The following ERC1 variants were observed in gnomAD, a reference collection of about 807,000 sequenced individuals.
ERC1 encodes ELKS/RAB6-interacting/CAST family member 1.
In ERC1, 56 loss-of-function variants were observed where a neutral mutation model predicts 132.0. The ratio of observed to expected loss-of-function variants is 0.42; its 90% CI spans 0.34 to 0.53. ERC1 has a LOEUF of 0.53. Among genes scored for constraint, ERC1 ranks in the 20% least tolerant of loss-of-function variants. ERC1 has a pLI of 0.03. For synonymous variants in ERC1, 478 were observed against 476.1 expected (o/e 1.00, Z -0.05); for missense variants, 1,202 against 1,349.9 (o/e 0.89, Z 1.72).
chr12:994,901 C>A (rs1427127470), intron 1 of ERC1, among the ~76,000 whole-genome samples: 10 of 152,056 alleles, frequency 6.6e-5, no homozygotes, highest in African/African-American at 2.2e-4. Context: ...TCGAGACCAG[C>A]CTGGCCAGCA....
Position 1,295,184 on chromosome 12 carries a change from A to G in ERC1, c.2780+5172A>G, listed in dbSNP as rs551332615. On this transcript the variant is annotated intron_variant, in intron 15 of 18. Transcript: ENST00000360905. ...CATGACATTTACAACTGAAAATCCA[A>G]TTTGTGCTTTTGTGTTCGTACCTGG... Among the ~76,000 whole-genome samples the G allele has an allele frequency of 5.3e-5, 8 of 152,276 alleles. No homozygotes were observed. In the East Asian group the frequency reaches 7.7e-4, roughly 15 times the overall value.
chr12:1,316,166 C>T (rs1046977533), intron 15 of ERC1, among the ~76,000 whole-genome samples: 1 of 152,326 alleles, frequency 6.6e-6, no homozygotes, highest in East Asian at 1.9e-4. Context: ...GGATTACTGG[C>T]TTGAGCCACC....
chr12:1,378,409 C>T (rs1285811496), intron 16 of ERC1, among the ~76,000 whole-genome samples: 4 of 152,080 alleles, frequency 2.6e-5, no homozygotes, highest in Admixed American at 2.0e-4. Flanking sequence ...CTAATATGAA[C>T]CCAGTTAGAT....
intron 17 of ERC1, among the ~76,000 whole-genome samples, chr12:1,441,824 G>A (rs770228227): frequency 1.4e-4 from 22 of 152,180 alleles, no homozygotes; most frequent in Admixed American, 5.9e-4. Flanking sequence ...GTGATGAGAC[G>A]GTTTCGTCAT....
intron 15 of ERC1, among the ~76,000 whole-genome samples, chr12:1,317,043 C>G (rs897742480): frequency 4.6e-5 from 7 of 152,100 alleles, no homozygotes; most frequent in Middle Eastern, 3.4e-3. Flanking sequence ...CACCTGTAAT[C>G]CCAGCTACTC....
chr12:1,083,497 C>A lies in ERC1; in HGVS notation c.1003C>A (p.Arg335=), dbSNP rs995188301. Residue 335 remains arginine, a synonymous_variant, in exon 3 of 19, where the codon CGA becomes AGA. Transcript: ENST00000360905. ...ATEEDHERTR[R]LAEAEMHVHH... The stretch of plus-strand genomic sequence containing the variant: ...CGAGGAAGACCATGAGAGAACAAGA[C>A]GACTGGCAGAGGCAGAGATGCACGT... 5 of 1,614,120 alleles carry A rather than the reference C, an allele frequency of 3.1e-6. No homozygotes were observed. Among genetic ancestry groups the A allele is most frequent in the Non-Finnish European group, 4.2e-6 (5 of 1,179,994 alleles).
chr12:1,357,229 T>G (rs1016549717), intron 15 of ERC1, among the ~76,000 whole-genome samples: 1 of 152,210 alleles, frequency 6.6e-6, no homozygotes, highest in Non-Finnish European at 1.5e-5. Context: ...TTGATTTTGC[T>G]GGAGGTGGAG....
intron 1 of ERC1, among the ~76,000 whole-genome samples, chr12:997,206 A>G (rs1961110408): frequency 6.6e-6 from 1 of 152,234 alleles, no homozygotes; most frequent in South Asian, 2.1e-4. Flanking sequence ...CTAGGATCAA[A>G]CATGGATTCA....
At chr12:1,320,155 G>A (rs2082015238) in intron 15 of ERC1, among the ~76,000 whole-genome samples, 1 of 152,146 alleles carries the variant, frequency 6.6e-6, no homozygotes, top group Admixed American at 6.5e-5. Flanking sequence ...TAATATTGCA[G>A]ATAATACTGT....
At chr12:1,276,750 A>G (rs2078303239) in intron 14 of ERC1, among the ~76,000 whole-genome samples, 1 of 152,174 alleles carries the variant, frequency 6.6e-6, no homozygotes, top group Admixed American at 6.5e-5. Context: ...GCATTCAATG[A>G]ATATTTACTA....
At chr12:1,172,037 A>G (rs1953118313) in intron 8 of ERC1, among the ~76,000 whole-genome samples, 1 of 152,228 alleles carries the variant, frequency 6.6e-6, no homozygotes, top group South Asian at 2.1e-4. Flanking sequence ...TAAAAATTGT[A>G]TGAGGACAAG....
At chr12:1,195,823 C>T (rs982715255) in intron 12 of ERC1, among the ~76,000 whole-genome samples, 16 of 150,888 alleles carry the variant, frequency 1.1e-4, no homozygotes, top group Non-Finnish European at 1.0e-4. Context: ...GAGGATTCTC[C>T]GTTACTTCCA....
chr12:1,490,242 G>T lies in ERC1; in HGVS notation c.*12G>T, dbSNP rs562582186. On this transcript the variant is annotated 3_prime_UTR_variant, in exon 19 of 19. Transcript: ENST00000360905. ...AAGAGTCCTCTTGACCCTGCTTTAT[G>T]GGGAAGCCTGAGGTAGTCAACCCAG... is the stretch of plus-strand genomic sequence containing the variant. The T allele has an allele frequency of 6.2e-7, 1 of 1,612,622 alleles. No individual in the cohort carries two copies. The highest frequency in any genetic ancestry group is 8.5e-7 in the Non-Finnish European group (1 of 1,179,130).
chr12:1,317,885 A>G (rs1444734984), intron 15 of ERC1, among the ~76,000 whole-genome samples: 2 of 152,194 alleles, frequency 1.3e-5, no homozygotes, highest in Non-Finnish European at 2.9e-5. Flanking sequence ...TGAGTGTCAC[A>G]TAAAGGGGCT....
At chr12:1,384,155 A>G (rs1481015602) in intron 16 of ERC1, among the ~76,000 whole-genome samples, 1 of 152,244 alleles carries the variant, frequency 6.6e-6, no homozygotes, top group Non-Finnish European at 1.5e-5. Context: ...TAGTACTTTA[A>G]TCTACCCTTA....
intron 15 of ERC1, among the ~76,000 whole-genome samples, chr12:1,291,370 A>T (rs1223455078): frequency 6.6e-6 from 1 of 152,198 alleles, no homozygotes; most frequent in Admixed American, 6.5e-5. Context: ...AAGTAGAGAA[A>T]GGAAAGTCCT....
At chr12:1,393,716 A>G (rs1197519179) in intron 16 of ERC1, among the ~76,000 whole-genome samples, 1 of 151,058 alleles carries the variant, frequency 6.6e-6, no homozygotes, top group Non-Finnish European at 1.5e-5. Flanking sequence ...AGGAGAAAAT[A>G]TGCTGTATTT....
At chr12:1,093,016 G>A (rs1025287670) in intron 3 of ERC1, among the ~76,000 whole-genome samples, 3 of 152,262 alleles carry the variant, frequency 2.0e-5, no homozygotes, top group Admixed American at 1.3e-4. Context: ...TTTATTTGGA[G>A]GCATTTCCAC....
chr12:1,185,499 G>C (rs1954978054), intron 11 of ERC1, among the ~76,000 whole-genome samples: 1 of 125,268 alleles, frequency 8.0e-6, no homozygotes, highest in Admixed American at 8.1e-5. Flanking sequence ...ACCATTTTCT[G>C]TACTTTTCTT....
Sources: allele counts gnomAD v4.1 joint callset (sites outside exome capture counted in the v4.1 genomes callset), GRCh38; gene constraint gnomAD v4.1.1; transcripts MANE v1.5; gene names NCBI Gene and HGNC (gene_info 2026-07-23, HGNC 2026-07-21).